Variants in RGPD2 observed in about 807,000 individuals in gnomAD.
RGPD2 encodes the protein RANBP2 like and GRIP domain containing 2, also known as RANBP2-like and GRIP domain-containing protein 2.
RGPD2 carries 2 observed loss-of-function variants against 36.0 expected under a neutral mutation model. That is an observed-to-expected ratio of 0.06 (90% CI 0.02 to 0.17). The LOEUF is 0.17. RGPD2 is among the 10% of genes least tolerant of loss of function. RGPD2 has a pLI of 1.00. For synonymous variants in RGPD2, 19 were observed against 163.8 expected, an observed-to-expected ratio of 0.12 and a Z score of 6.75; for missense variants, 40 against 464.3, an observed-to-expected ratio of 0.09 and a Z score of 8.40.
At chr2:87,847,245 C>A in the RGPD2 span, among the ~76,000 whole-genome samples, 18 of 152,066 alleles carry the variant, frequency 1.2e-4, no homozygotes, top group African/African-American at 3.9e-4. Flanking sequence ...GGATGACATA[C>A]CATTGTGTTT....
the RGPD2 span, among the ~76,000 whole-genome samples, chr2:87,948,592 GCTGGT>G: frequency 7.1e-6 from 1 of 141,034 alleles, no homozygotes; most frequent in Non-Finnish European, 1.6e-5. Context: ...TGTTGGTCAG[GCTGGT>G]CTCGAACTCC....
the RGPD2 span, among the ~76,000 whole-genome samples, chr2:87,908,840 T>A: frequency 6.6e-6 from 1 of 151,396 alleles, no homozygotes. Context: ...GCTTCTGTAC[T>A]GTTTCTGACT....
the RGPD2 span, among the ~76,000 whole-genome samples, chr2:87,843,857 A>C: frequency 2.0e-5 from 3 of 151,326 alleles, no homozygotes; most frequent in African/African-American, 7.3e-5. Context: ...GGTGGAACAT[A>C]TACACCATGG....
At chr2:87,825,156 C>G in intron 1 of RGPD2, 2 of 391,148 alleles carry the variant, frequency 5.1e-6, no homozygotes, top group Admixed American at 8.9e-5. Flanking sequence ...TAGGTCTGCC[C>G]GCCGCAGTAC....
chr2:87,935,261 C>T, the RGPD2 span, among the ~76,000 whole-genome samples: 11 of 149,046 alleles, frequency 7.4e-5, no homozygotes, highest in Non-Finnish European at 3.0e-5. Flanking sequence ...TAAACAGTAT[C>T]TGCCTCTATC....
At chr2:87,840,343 A>C in the RGPD2 span, among the ~76,000 whole-genome samples, 5 of 132,448 alleles carry the variant, frequency 3.8e-5, no homozygotes, top group Middle Eastern at 3.5e-3. Context: ...GAGCTTTTGG[A>C]GGCAATATGG....
chr2:87,861,139 T>G, the RGPD2 span, among the ~76,000 whole-genome samples: 1 of 151,438 alleles, frequency 6.6e-6, no homozygotes, highest in East Asian at 1.9e-4. Flanking sequence ...TAAGTGTTTT[T>G]TTTTTTTTTT....
At chr2:87,866,560 A>T in the RGPD2 span, among the ~76,000 whole-genome samples, 1 of 152,244 alleles carries the variant, frequency 6.6e-6, no homozygotes, top group East Asian at 1.9e-4. Context: ...ATTTAGAACA[A>T]TGTGATTTCC....
the RGPD2 span, among the ~76,000 whole-genome samples, chr2:87,988,541 A>ATATATATATATATTT: frequency 9.1e-3 from 490 of 54,094 alleles, 13 homozygotes; most frequent in South Asian, 0.017. Flanking sequence ...ATATATATAT[A>ATATATATATATATTT]TTTTTTTTTT....
the RGPD2 span, among the ~76,000 whole-genome samples, chr2:87,853,106 G>T: frequency 0.014 from 2,187 of 152,086 alleles, 32 homozygotes; most frequent in African/African-American, 0.049. Context: ...ATTCATTCCT[G>T]CCTGTCTTTA....
chr2:87,846,646 A>G, the RGPD2 span, among the ~76,000 whole-genome samples: 4 of 152,262 alleles, frequency 2.6e-5, no homozygotes, highest in Non-Finnish European at 4.4e-5. Context: ...TACCAGATAT[A>G]TACCAAAAGC....
the RGPD2 span, among the ~76,000 whole-genome samples, chr2:87,854,868 TATTA>T: frequency 2.0e-5 from 3 of 152,268 alleles, no homozygotes; most frequent in East Asian, 1.9e-4. Flanking sequence ...TTTATTGAGA[TATTA>T]ATTGACAAAT....
the RGPD2 span, among the ~76,000 whole-genome samples, chr2:87,910,579 T>C: frequency 1.3e-5 from 2 of 152,240 alleles, no homozygotes; most frequent in African/African-American, 4.8e-5. Flanking sequence ...ATTCAACAAA[T>C]ACAGCTGTCC....
the RGPD2 span, among the ~76,000 whole-genome samples, chr2:87,915,262 G>C: frequency 2.3e-5 from 2 of 85,574 alleles, 1 homozygote; most frequent in African/African-American, 8.7e-5. Context: ...AAATATATAC[G>C]TGTGTGTGTG....
chr2:87,882,139 A>T, the RGPD2 span, among the ~76,000 whole-genome samples: 1,872 of 152,306 alleles, frequency 0.012, 27 homozygotes, highest in African/African-American at 0.043. Context: ...TGAGGATTAC[A>T]TCACAACATG....
chr2:87,884,918 G>A, the RGPD2 span, among the ~76,000 whole-genome samples: 1 of 152,272 alleles, frequency 6.6e-6, no homozygotes, highest in South Asian at 2.1e-4. Flanking sequence ...GAGAAAAAGA[G>A]TACTTCCAAA....
the RGPD2 span, among the ~76,000 whole-genome samples, chr2:87,958,249 A>G: frequency 2.0e-5 from 3 of 152,282 alleles, no homozygotes; most frequent in African/African-American, 7.2e-5. Flanking sequence ...AACTTGGTTA[A>G]CTATATCACC....
the RGPD2 span, chr2:87,986,063 A>G: frequency 4.9e-6 from 3 of 607,314 alleles, no homozygotes; most frequent in South Asian, 6.3e-5. Context: ...AGATGCAAGC[A>G]TTACCTAACC....
the RGPD2 span, among the ~76,000 whole-genome samples, chr2:87,835,354 CTCAG>C: frequency 1.5e-5 from 2 of 132,226 alleles, no homozygotes; most frequent in African/African-American, 2.8e-5. Flanking sequence ...TTTGAATCAA[CTCAG>C]TCAGACAATT....
Sources: allele counts gnomAD v4.1 joint callset (sites outside exome capture counted in the v4.1 genomes callset), GRCh38; gene constraint gnomAD v4.1.1; transcripts MANE v1.5; gene names NCBI Gene and HGNC (gene_info 2026-07-23, HGNC 2026-07-21).